The following NFIB variants were observed in gnomAD, a reference collection of about 807,000 sequenced individuals.
NFIB encodes the protein nuclear factor I B.
A neutral mutation model predicts 61.5 loss-of-function variants in NFIB; 11 were observed. The observed-to-expected ratio is 0.18, with a 90% CI of 0.11 to 0.30. NFIB has a LOEUF of 0.30. Ranked by LOEUF, NFIB falls within the 10% of genes least tolerant of loss-of-function variation. The pLI is 1.00. For synonymous variants in NFIB, 260 were observed against 216.5 expected, an observed-to-expected ratio of 1.20 and a Z score of -1.76; for missense variants, 471 against 608.9, an observed-to-expected ratio of 0.77 and a Z score of 2.38.
At chr9:14,289,700 G>A (rs1423098217) in intron 2 of NFIB, among the ~76,000 whole-genome samples, 2 of 151,846 alleles carry the variant, frequency 1.3e-5, no homozygotes, top group African/African-American at 2.4e-5. Flanking sequence ...TTATTATCCA[G>A]GGACTTAATT....
chr9:14,252,195 A>C (rs1189836023), intron 2 of NFIB, among the ~76,000 whole-genome samples: 3 of 152,218 alleles, frequency 2.0e-5, no homozygotes, highest in Non-Finnish European at 4.4e-5. Flanking sequence ...AAATACAAAC[A>C]TCAGGAATAG....
At position 14,085,883 on chromosome 9, in the gene NFIB, T is replaced by A. The variant is rs1258521731; in HGVS notation, c.*2426A>T. ...TCATGTGTTAAACTCTCAAAAGTGTTAAACATCCAACATCCCCTATGTGGA... is the reference window on the plus strand; with the variant it reads ...TCATGTGTTAAACTCTCAAAAGTGTAAAACATCCAACATCCCCTATGTGGA... On this transcript the variant is annotated 3_prime_UTR_variant, in exon 11 of 11. Coordinates refer to ENST00000380953, the MANE Select transcript of NFIB (RefSeq NM_001190737.2). 1 of 225,438 alleles carries A rather than the reference T, an allele frequency of 4.4e-6. No homozygotes were observed. The highest frequency in any genetic ancestry group is 1.8e-4 in the South Asian group (1 of 5,464). The allele number at this position is 225,438 out of a possible 1,614,324, so 14.0% of individuals were successfully genotyped here. A position where few individuals can be genotyped will look rare whatever the true frequency, so the allele number is the denominator to read the frequency against.
chr9:14,246,914 C>A (rs1283490496), intron 2 of NFIB, among the ~76,000 whole-genome samples: 1 of 152,152 alleles, frequency 6.6e-6, no homozygotes, highest in Non-Finnish European at 1.5e-5. Context: ...AGTTGAAGGC[C>A]TGTTAAAACG....
At chr9:14,271,092 T>C (rs570423045) in intron 2 of NFIB, among the ~76,000 whole-genome samples, 4 of 152,086 alleles carry the variant, frequency 2.6e-5, no homozygotes, top group African/African-American at 9.6e-5. Context: ...AGGTGGCTCA[T>C]TAGAAGAGAC....
At chr9:14,205,931 AC>A (rs2049640601) in intron 2 of NFIB, among the ~76,000 whole-genome samples, 4 of 94,478 alleles carry the variant, frequency 4.2e-5, no homozygotes, top group African/African-American at 3.7e-4. Context: ...CACCTGAAAA[AC>A]ACACACACAC....
At chr9:14,193,912 G>A (rs902116042) in intron 2 of NFIB, among the ~76,000 whole-genome samples, 6 of 152,104 alleles carry the variant, frequency 3.9e-5, no homozygotes, top group Non-Finnish European at 8.8e-5. Context: ...ACACTTAGCT[G>A]CCAGCATTGC....
intron 2 of NFIB, among the ~76,000 whole-genome samples, chr9:14,302,767 C>G (rs35834781): frequency 2.0e-5 from 3 of 152,100 alleles, no homozygotes; most frequent in Admixed American, 6.6e-5. Context: ...ACCACCACCC[C>G]CTTCCTTTTT....
intron 2 of NFIB, among the ~76,000 whole-genome samples, chr9:14,269,054 A>G (rs2057415806): frequency 6.6e-6 from 1 of 151,980 alleles, no homozygotes; most frequent in African/African-American, 2.4e-5. Flanking sequence ...GTTCTAGTAC[A>G]TATGAGTAAA....
At chr9:14,470,988 A>T in the NFIB span, among the ~76,000 whole-genome samples, 5 of 152,354 alleles carry the variant, frequency 3.3e-5, no homozygotes, top group South Asian at 1.0e-3. Flanking sequence ...TTGGACCTGA[A>T]ATGGTTAGAT....
chr9:14,408,824 G>A, the NFIB span, among the ~76,000 whole-genome samples: 1 of 152,144 alleles, frequency 6.6e-6, no homozygotes. Flanking sequence ...TTTTTTAAAA[G>A]TGCTTCATAA....
intron 10 of NFIB, among the ~76,000 whole-genome samples, chr9:14,107,880 T>C (rs962546997): frequency 5.3e-5 from 8 of 152,146 alleles, no homozygotes; most frequent in African/African-American, 1.9e-4. Context: ...ATTTTTTCCT[T>C]GTGTTTCTGT....
the NFIB span, among the ~76,000 whole-genome samples, chr9:14,486,502 T>C: frequency 4.6e-5 from 7 of 152,142 alleles, no homozygotes; most frequent in Admixed American, 4.6e-4. Flanking sequence ...CTGAGCAAAA[T>C]GCAAACGGAA....
intron 1 of NFIB, among the ~76,000 whole-genome samples, chr9:14,367,910 A>C (rs1467287436): frequency 6.6e-6 from 1 of 152,162 alleles, no homozygotes; most frequent in Non-Finnish European, 1.5e-5. Flanking sequence ...GGATAGCATT[A>C]GGAGAAATAC....
intron 2 of NFIB, among the ~76,000 whole-genome samples, chr9:14,292,854 A>C (rs1352816896): frequency 6.6e-6 from 1 of 152,230 alleles, no homozygotes; most frequent in Non-Finnish European, 1.5e-5. Context: ...TACATTTCAA[A>C]GTACATTAAG....
At chr9:14,227,265 CATT>C (rs1317961508) in intron 2 of NFIB, among the ~76,000 whole-genome samples, 1 of 152,104 alleles carries the variant, frequency 6.6e-6, no homozygotes, top group East Asian at 1.9e-4. Context: ...TGCCACCTAT[CATT>C]GTCTAAATGG....
intron 1 of NFIB, among the ~76,000 whole-genome samples, chr9:14,343,052 G>C (rs2060971420): frequency 6.6e-6 from 1 of 152,172 alleles, no homozygotes; most frequent in Non-Finnish European, 1.5e-5. Flanking sequence ...GCATGGCCGG[G>C]GGGGTAGGGG....
At chr9:14,451,924 G>A in the NFIB span, among the ~76,000 whole-genome samples, 5 of 151,222 alleles carry the variant, frequency 3.3e-5, no homozygotes, top group East Asian at 1.9e-4. Context: ...TAATTTGTAC[G>A]TCTGGACCAC....
chr9:14,494,030 C>A, the NFIB span, among the ~76,000 whole-genome samples: 1 of 152,144 alleles, frequency 6.6e-6, no homozygotes. Flanking sequence ...CAAAAAGGTT[C>A]AGAGTTTGGC....
At position 14,200,486 on chromosome 9, in the gene NFIB, G is replaced by A. The variant is rs144413640; in HGVS notation, c.563-20706C>T. ...ATGCCCAACACTAGCTCTCAGGATC[G>A]GTAAGTCTAAGTATGTGTTTCAGCT... is the stretch of plus-strand genomic sequence containing the variant. On this transcript the variant is annotated intron_variant, in intron 2 of 10. Transcript: ENST00000380953. Among the ~76,000 whole-genome samples the A allele has an allele frequency of 5.1e-4, 78 of 152,160 alleles. No homozygotes were observed. The East Asian group carries it at 0.015, about 28-fold the overall frequency.
Sources: gnomAD v4.1 joint callset for allele counts (sites outside exome capture counted in the v4.1 genomes callset) on GRCh38, gnomAD v4.1.1 for gene constraint, MANE v1.5 for transcripts, NCBI Gene and HGNC (gene_info 2026-07-23, HGNC 2026-07-21) for gene names.